EHMT1: variants seen among roughly 807,000 people sequenced by gnomAD.
EHMT1 encodes the protein euchromatic histone lysine methyltransferase 1, also known as histone-lysine N-methyltransferase EHMT1.
EHMT1 carries 15 observed loss-of-function variants against 147.2 expected under a neutral mutation model. The ratio of observed to expected loss-of-function variants is 0.10; its 90% confidence interval spans 0.07 to 0.16. The LOEUF (loss-of-function observed/expected upper bound fraction) is 0.16, where lower values mean the gene tolerates loss of function less well. Ranked by LOEUF, EHMT1 falls within the 10% of genes least tolerant of loss-of-function variation. The pLI, the probability that EHMT1 is intolerant of heterozygous loss-of-function variation, is 1.00. For synonymous variants in EHMT1, 795 were observed against 709.6 expected (o/e 1.12, Z -1.91); for missense variants, 1,587 against 1,772.4 (o/e 0.90, Z 1.88).
intron 1 of EHMT1, among the ~76,000 whole-genome samples, chr9:137,697,605 T>A (rs530078072): frequency 3.4e-4 from 52 of 152,366 alleles, no homozygotes; most frequent in South Asian, 1.4e-3. Context: ...AGATTAGAAA[T>A]TTTTCCTTTG....
chr9:137,653,394 A>G (rs564374202), intron 1 of EHMT1, among the ~76,000 whole-genome samples: 1 of 152,282 alleles, frequency 6.6e-6, no homozygotes, highest in South Asian at 2.1e-4. Context: ...ACAGTCTGTG[A>G]TGTTCACAGA....
chr9:137,796,061 G>C (rs1218975960), intron 16 of EHMT1, among the ~76,000 whole-genome samples: 1 of 152,216 alleles, frequency 6.6e-6, no homozygotes, highest in African/African-American at 2.4e-5. Context: ...AGGTTTGTCT[G>C]ATGGCATCGA....
rs904757828 is a variant in EHMT1 at position 137,734,376 on chromosome 9, C to T, written c.823+5847C>T. ...AAAATTCACTAGAGGAAATCAAAGGCAGATCTGAACAGACGGAAGAAAGAG... is the reference window on the plus strand; with the variant it reads ...AAAATTCACTAGAGGAAATCAAAGGTAGATCTGAACAGACGGAAGAAAGAG... On this transcript the variant is annotated intron_variant, in intron 4 of 26. Transcript: ENST00000460843. 3.9e-5 allele frequency among the ~76,000 whole-genome samples: 6 copies of T among 152,300 alleles called. No homozygotes were observed. In the South Asian group the frequency reaches 1.2e-3, roughly 32 times the overall value.
intron 1 of EHMT1, among the ~76,000 whole-genome samples, chr9:137,620,297 T>C (rs1842875630): frequency 6.6e-6 from 1 of 152,184 alleles, no homozygotes; most frequent in Non-Finnish European, 1.5e-5. Context: ...ATGAATTCTA[T>C]CATTTATGAA....
chr9:137,631,662 G>C (rs554544778), intron 1 of EHMT1, among the ~76,000 whole-genome samples: 9 of 152,062 alleles, frequency 5.9e-5, no homozygotes, highest in Non-Finnish European at 1.3e-4. Flanking sequence ...GATCACTTGA[G>C]CCCAGGAGTT....
intron 1 of EHMT1, among the ~76,000 whole-genome samples, chr9:137,667,778 C>T (rs1939841675): frequency 6.6e-6 from 1 of 152,034 alleles, no homozygotes; most frequent in Non-Finnish European, 1.5e-5. Flanking sequence ...TTAGAGAACT[C>T]GGGGAGGAAA....
chr9:137,807,860 G>A (rs1954081682), intron 18 of EHMT1, among the ~76,000 whole-genome samples: 1 of 152,172 alleles, frequency 6.6e-6, no homozygotes, highest in South Asian at 2.1e-4. Context: ...TGTCAAAGCC[G>A]GGCTTTTTGA....
At chr9:137,815,808 G>A in intron 22 of EHMT1, 139 bp from the exon 23 acceptor site, 1 of 736,774 alleles carries the variant, frequency 1.4e-6, no homozygotes, top group African/African-American at 1.7e-5. Flanking sequence ...TTCCCTAGGT[G>A]GGTGTTCAAG....
chr9:137,822,196 G>A (rs1198981712), intron 25 of EHMT1, among the ~76,000 whole-genome samples: 2 of 152,142 alleles, frequency 1.3e-5, no homozygotes, highest in Non-Finnish European at 1.5e-5. Context: ...ATTTGCCCAC[G>A]TGGCTACACG....
chr9:137,770,159 G>T (rs1950501412), intron 10 of EHMT1, among the ~76,000 whole-genome samples: 1 of 152,116 alleles, frequency 6.6e-6, no homozygotes. Flanking sequence ...TCAGTCTTGT[G>T]TTTTTTTCTT....
At chr9:137,768,552 TTTTTTTTTTTTTTTTG>T (rs1243811585) in intron 10 of EHMT1, among the ~76,000 whole-genome samples, 3 of 94,754 alleles carry the variant, frequency 3.2e-5, no homozygotes, top group African/African-American at 1.4e-4. Flanking sequence ...TTTTTTTTTT[TTTTTTTTTTTTTTTTG>T]AGACGGAGTC....
At position 137,795,423 on chromosome 9, in the gene EHMT1, ACACAC is replaced by A. The variant is rs1564776234; in HGVS notation, c.2506-3389_2506-3385del. On this transcript the variant is annotated intron_variant, in intron 16 of 26. Transcript: ENST00000460843. ...GGTGCACACACACACACACACACAC[ACACAC>A]TCTCACACTCACATACACACACAGA... Among the ~76,000 whole-genome samples, 202 of 32,370 alleles carry A rather than the reference ACACAC, an allele frequency of 6.2e-3. 3 individuals carry two copies. Among genetic ancestry groups the A allele is most frequent in the African/African-American group, 0.015 (185 of 12,482 alleles). The allele number at this position is 32,370 out of a possible 152,430, so 21.2% of individuals were successfully genotyped here.
intron 1 of EHMT1, among the ~76,000 whole-genome samples, chr9:137,626,147 G>A (rs532429241): frequency 6.6e-6 from 1 of 151,414 alleles, no homozygotes; most frequent in South Asian, 2.1e-4. Context: ...GATTACAGGC[G>A]TGAGCCACCA....
At chr9:137,765,077 T>TGTCCGCCC (rs1200427602) in intron 10 of EHMT1, among the ~76,000 whole-genome samples, 1 of 152,276 alleles carries the variant, frequency 6.6e-6, no homozygotes, top group Non-Finnish European at 1.5e-5. Flanking sequence ...GGCGGCCGCC[T>TGTCCGCCC]GTCCGCCCGA....
In EHMT1 at chr9:137,742,028, C is replaced by G. The variant is rs113555667; in HGVS notation, c.824-1343C>G. On this transcript the variant is annotated intron_variant, in intron 4 of 26. Coordinates refer to ENST00000460843, the MANE Select transcript of EHMT1 (RefSeq NM_024757.5). ...GAGCACAGCCATGCTGGCCTGTCAG[C>G]CTGTTATAGTGTGGACAGACAGAGC... 9.7e-3 allele frequency among the ~76,000 whole-genome samples: 1,471 copies of G among 152,284 alleles called. 16 individuals carry two copies. Among genetic ancestry groups the G allele is most frequent in the African/African-American group, 0.034 (1,400 of 41,552 alleles).
chr9:137,671,413 T>C (rs977437821), intron 1 of EHMT1, among the ~76,000 whole-genome samples: 4 of 151,878 alleles, frequency 2.6e-5, no homozygotes, highest in Admixed American at 2.6e-4. Flanking sequence ...GCTTATCACT[T>C]AAGAAAACAT....
intron 9 of EHMT1, among the ~76,000 whole-genome samples, chr9:137,759,316 C>T (rs1384260229): frequency 1.3e-5 from 2 of 152,208 alleles, no homozygotes; most frequent in Non-Finnish European, 2.9e-5. Context: ...TTTCAGTTCT[C>T]TAAACTTGCT....
chr9:137,778,020 C>G lies in EHMT1; in HGVS notation c.2157C>G (p.Thr719=), dbSNP rs776062635. The G allele has an allele frequency of 1.9e-6, 3 of 1,613,854 alleles. No individual in the cohort carries two copies. The highest frequency in any genetic ancestry group is 1.7e-6 in the Non-Finnish European group (2 of 1,180,032). The change falls in exon 13 of 27, where the codon ACC becomes ACG. Residue 719 remains threonine (T), a synonymous_variant. Coordinates refer to ENST00000460843, the MANE Select transcript of EHMT1 (RefSeq NM_024757.5). ...TTTCCCAGGGACCAGGGAAGGAAAC[C>G]TTGGAGAGCGCTCTCATCGCCCTCG... ...PGLSQGPGKE[T]LESALIALDS... is the part of the protein sequence containing the mutation.
chr9:137,656,649 C>G (rs1938481534), intron 1 of EHMT1, among the ~76,000 whole-genome samples: 1 of 151,980 alleles, frequency 6.6e-6, no homozygotes, highest in African/African-American at 2.4e-5. Flanking sequence ...TGTGTACACC[C>G]AGGAGGCAGG....
Sources: gnomAD v4.1 joint callset for allele counts (sites outside exome capture counted in the v4.1 genomes callset) on GRCh38, gnomAD v4.1.1 for gene constraint, MANE v1.5 for transcripts, NCBI Gene and HGNC (gene_info 2026-07-23, HGNC 2026-07-21) for gene names.